The following TMCO4 variants were observed in gnomAD, a reference collection of about 807,000 sequenced individuals.
TMCO4 encodes transmembrane and coiled-coil domain-containing protein 4.
In TMCO4, 58 loss-of-function variants were observed where a neutral mutation model predicts 64.7. That is an observed-to-expected ratio of 0.90 (90% confidence interval 0.73 to 1.12). The LOEUF (loss-of-function observed/expected upper bound fraction) is 1.12. Ranked by LOEUF, TMCO4 falls within the 50% of genes most tolerant of loss-of-function variation. The pLI, the probability that TMCO4 is intolerant of heterozygous loss-of-function variation, is 0.00. For missense variants in TMCO4, 780 were observed against 825.9 expected (o/e 0.94, Z 0.68); for synonymous variants, 325 against 346.1 (o/e 0.94, Z 0.68).
At chr1:19,755,975 G>A (rs80169561) in intron 6 of TMCO4, among the ~76,000 whole-genome samples, 3,067 of 152,192 alleles carry the variant, frequency 0.02, 59 homozygotes, top group East Asian at 0.046. Context: ...GGCTGGGTAC[G>A]GTGGCTCACT....
At chr1:19,742,363 C>T (rs2095483431) in intron 10 of TMCO4, among the ~76,000 whole-genome samples, 1 of 152,182 alleles carries the variant, frequency 6.6e-6, no homozygotes, top group African/African-American at 2.4e-5. Flanking sequence ...CATTAAACAC[C>T]ATGTGGGAAT....
chr1:19,721,515 G>A (rs373865268), intron 13 of TMCO4, among the ~76,000 whole-genome samples: 46 of 152,244 alleles, frequency 3.0e-4, no homozygotes, highest in African/African-American at 1.1e-3. Flanking sequence ...GTGGCCAGGC[G>A]CGGGGGCTCA....
intron 7 of TMCO4, among the ~76,000 whole-genome samples, chr1:19,748,834 G>GAATGAATGAA (rs1553142669): frequency 0.014 from 1,944 of 141,276 alleles, 20 homozygotes; most frequent in East Asian, 0.051. Flanking sequence ...GAATGAATGA[G>GAATGAATGAA]TGAATGAATG....
intron 15 of TMCO4, among the ~76,000 whole-genome samples, chr1:19,689,349 A>T (rs1570621173): frequency 6.6e-6 from 1 of 152,248 alleles, no homozygotes; most frequent in Admixed American, 6.5e-5. Context: ...CCACGAAGAC[A>T]GCCTGAGGAG....
At chr1:19,709,483 C>T (rs533026064) in intron 13 of TMCO4, among the ~76,000 whole-genome samples, 27 of 152,090 alleles carry the variant, frequency 1.8e-4, no homozygotes, top group Admixed American at 3.9e-4. Flanking sequence ...GCCAGCTGAC[C>T]GAGTGACAGT....
chr1:19,686,695 T>C (rs2095151944), intron 15 of TMCO4, among the ~76,000 whole-genome samples: 1 of 152,166 alleles, frequency 6.6e-6, no homozygotes, highest in Admixed American at 6.5e-5. Flanking sequence ...ACATATTTAG[T>C]GGCTGCAGGG....
At chr1:19,739,694 C>G (rs1286222806) in intron 12 of TMCO4, 130 bp downstream of exon 12, 1 of 1,355,784 alleles carries the variant, frequency 7.4e-7, no homozygotes, top group African/African-American at 1.5e-5. Flanking sequence ...GCAGCAAGGA[C>G]TGCCCACACC....
intron 9 of TMCO4, among the ~76,000 whole-genome samples, chr1:19,745,868 C>G (rs998691620): frequency 6.6e-6 from 1 of 152,160 alleles, no homozygotes; most frequent in Non-Finnish European, 1.5e-5. Flanking sequence ...GGCCAGCCCC[C>G]GAGCGGTAGA....
intron 13 of TMCO4, among the ~76,000 whole-genome samples, chr1:19,733,208 A>G (rs918736424): frequency 6.6e-6 from 1 of 152,152 alleles, no homozygotes. Context: ...CAGAAGTTGC[A>G]GTGAGCTGAG....
In TMCO4 at chr1:19,774,708, T is replaced by C. The variant is rs181759467; in HGVS notation, c.180-3226A>G. Reference sequence around the variant, plus strand: ...AGCAACAATGACAGCAGATAACAATTGTAGAGCAACTGTCCGTCAGTCCCT... The same window carrying C: ...AGCAACAATGACAGCAGATAACAATCGTAGAGCAACTGTCCGTCAGTCCCT... On this transcript the variant is annotated intron_variant, in intron 4 of 15. Coordinates refer to ENST00000294543, the MANE Select transcript of TMCO4 (RefSeq NM_181719.7). Among the ~76,000 whole-genome samples the C allele has an allele frequency of 3.3e-5, 5 of 152,284 alleles. No individual in the cohort carries two copies. In the East Asian group the frequency reaches 9.7e-4, roughly 29 times the overall value.
intron 3 of TMCO4, among the ~76,000 whole-genome samples, chr1:19,781,147 A>C (rs1048807161): frequency 4.7e-5 from 7 of 149,648 alleles, no homozygotes; most frequent in African/African-American, 1.5e-4. Flanking sequence ...TCCATCTCAA[A>C]AAAAAAAAAA....
chr1:19,740,799 G>C lies in TMCO4; in HGVS notation c.1020C>G (p.Ala340=). The C allele has an allele frequency of 1.2e-6, 2 of 1,613,154 alleles. No homozygotes were observed. The highest frequency in any genetic ancestry group is 1.7e-6 in the Non-Finnish European group (2 of 1,179,560). ...TACCAGACAACACTGTGTACTTTAG[G>C]GCCTCCTGGGCCACCATGTTGGCGA... is the stretch of plus-strand genomic sequence containing the variant. ...SGLANMVAQE[A]LKYTVLSGIV... Residue 340 remains alanine, a synonymous_variant, in exon 11 of 16, where the codon GCC becomes GCG. Transcript: ENST00000294543.
chr1:19,683,989 T>C (rs1296017242), intron 15 of TMCO4, among the ~76,000 whole-genome samples: 1 of 148,588 alleles, frequency 6.7e-6, no homozygotes, highest in Non-Finnish European at 1.5e-5. Flanking sequence ...CTCGAACTCC[T>C]GGCCTCAAGT....
At position 19,732,135 on chromosome 1, in the gene TMCO4, C is replaced by A. The variant is rs961089628; in HGVS notation, c.1264+5237G>T. ...GGCTACATGTCTGTGAATGTGCGCACACCTGCTGCTCACATTTGGAATAAG... is the reference window on the plus strand; with the variant it reads ...GGCTACATGTCTGTGAATGTGCGCAAACCTGCTGCTCACATTTGGAATAAG... On this transcript the variant is annotated intron_variant, in intron 13 of 15. Transcript: ENST00000294543. The surrounding 1 kb of genome is among the most constrained non-coding windows in gnomAD (Gnocchi z 4.8). Among the ~76,000 whole-genome samples the A allele has an allele frequency of 6.6e-6, 1 of 152,120 alleles. No homozygotes were observed. Among genetic ancestry groups the A allele is most frequent in the Admixed American group, 6.5e-5 (1 of 15,268 alleles).
At chr1:19,795,839 C>T (rs1193638439) in intron 2 of TMCO4, among the ~76,000 whole-genome samples, 1 of 152,194 alleles carries the variant, frequency 6.6e-6, no homozygotes, top group East Asian at 1.9e-4. Context: ...TGAATCTGAC[C>T]AGCTCCCATC....
chr1:19,780,477 C>A lies in TMCO4; in HGVS notation c.179+103G>T, dbSNP rs2043413545. ...CGTTAGAGGCAAGGACAATGACTTG[C>A]CCCTCTCTGCATTGCCTCATCGTGC... On this transcript the variant is annotated intron_variant, in intron 4 of 15. Coordinates refer to ENST00000294543, the MANE Select transcript of TMCO4 (RefSeq NM_181719.7). 32 of 1,360,796 alleles carry A rather than the reference C, an allele frequency of 2.4e-5. 1 individual carries two copies. In the South Asian group the frequency reaches 4.7e-4, roughly 20 times the overall value. 84.3% of individuals were successfully genotyped at this position (1,360,796 alleles called of 1,614,324 possible). A position where few individuals can be genotyped will look rare whatever the true frequency, so the allele number is the denominator to read the frequency against.
intron 5 of TMCO4, 102 bp from the exon 6 acceptor site, chr1:19,770,671 CA>C: frequency 1.7e-6 from 2 of 1,168,404 alleles, no homozygotes; most frequent in Non-Finnish European, 1.2e-6. Flanking sequence ...ACAAGACAGA[CA>C]AAAAGCCACT....
Position 19,734,659 on chromosome 1 carries a change from C to T in TMCO4, c.1264+2713G>A, listed in dbSNP as rs922293862. 6.6e-6 allele frequency among the ~76,000 whole-genome samples: 1 copy of T among 152,104 alleles called. No homozygotes were observed. Among genetic ancestry groups the T allele is most frequent in the Non-Finnish European group, 1.5e-5 (1 of 68,000 alleles). On this transcript the variant is annotated intron_variant, in intron 13 of 15. Coordinates refer to ENST00000294543, the MANE Select transcript of TMCO4 (RefSeq NM_181719.7). This position sits in a 1 kb window ranked among gnomAD's most constrained non-coding sequence, Gnocchi z 4.4. ...CCAGATGCCACCGTTTCTAGACACCCCTGAGAGCCCCGCCTTTGCCCATGC... is the reference window on the plus strand; with the variant it reads ...CCAGATGCCACCGTTTCTAGACACCTCTGAGAGCCCCGCCTTTGCCCATGC...
chr1:19,697,709 C>A (rs187758385), intron 14 of TMCO4, among the ~76,000 whole-genome samples: 8 of 152,162 alleles, frequency 5.3e-5, no homozygotes, highest in African/African-American at 1.7e-4. Flanking sequence ...AGCCATCCTC[C>A]CACCTCAGCT....
Sources: allele counts gnomAD v4.1 joint callset (sites outside exome capture counted in the v4.1 genomes callset), GRCh38; gene constraint gnomAD v4.1.1; non-coding constraint Gnocchi (gnomAD v3.1); transcripts MANE v1.5; gene names NCBI Gene and HGNC (gene_info 2026-07-23, HGNC 2026-07-21).